PELI2: variants seen among roughly 807,000 people sequenced by gnomAD.
The protein encoded by PELI2 is E3 ubiquitin-protein ligase pellino homolog 2.
A neutral mutation model predicts 42.3 loss-of-function variants in PELI2; 23 were observed. The observed-to-expected ratio is 0.54, with a 90% CI of 0.39 to 0.77. The LOEUF (loss-of-function observed/expected upper bound fraction) is 0.77, where lower values mean the gene tolerates loss of function less well. PELI2 is among the 30% of genes least tolerant of loss of function. PELI2 has a pLI of 0.00. For missense variants in PELI2, 463 were observed against 553.2 expected (o/e 0.84, Z 1.64); for synonymous variants, 245 against 212.2 (o/e 1.15, Z -1.34).
intron 2 of PELI2, among the ~76,000 whole-genome samples, chr14:56,267,011 A>G (rs973671975): frequency 2.0e-5 from 3 of 152,208 alleles, no homozygotes; most frequent in African/African-American, 4.8e-5. Context: ...CTGTGCTGGT[A>G]TAGGCATAGA....
chr14:56,268,067 C>G (rs901314416), intron 2 of PELI2, among the ~76,000 whole-genome samples: 10 of 152,186 alleles, frequency 6.6e-5, no homozygotes, highest in African/African-American at 2.4e-4. Flanking sequence ...CTTGCATTTA[C>G]TACTGACTCA....
rs566564780 is a variant in PELI2 at position 56,191,174 on chromosome 14, C to G, written c.207+12710C>G. ...GTGAGGTCCTGGACAGCAGGACCCA[C>G]TCTTATAGGCAGGTACCCAGAGAAG... On this transcript the variant is annotated intron_variant, in intron 2 of 5. Transcript: ENST00000267460. 5.3e-5 allele frequency among the ~76,000 whole-genome samples: 8 copies of G among 152,278 alleles called. No individual in the cohort carries two copies. In the South Asian group the frequency reaches 1.7e-3, roughly 32 times the overall value.
At chr14:56,148,864 G>C (rs1884232793) in intron 1 of PELI2, among the ~76,000 whole-genome samples, 1 of 152,186 alleles carries the variant, frequency 6.6e-6, no homozygotes, top group Non-Finnish European at 1.5e-5. Flanking sequence ...AGGATTTTCA[G>C]ATGAAGAGGG....
chr14:56,212,403 C>T (rs965491851), intron 2 of PELI2, among the ~76,000 whole-genome samples: 9 of 152,236 alleles, frequency 5.9e-5, no homozygotes, highest in African/African-American at 2.2e-4. Context: ...TTAGCCTCTG[C>T]TCCTTAAGAA....
chr14:56,243,596 G>A (rs1888053341), intron 2 of PELI2, among the ~76,000 whole-genome samples: 1 of 152,148 alleles, frequency 6.6e-6, no homozygotes, highest in Non-Finnish European at 1.5e-5. Flanking sequence ...CACATAGTAA[G>A]CATACTGGGG....
rs751909569 is a variant in PELI2, at chr14:56,290,426, A to C, written c.666A>C (p.Glu222Asp). 7.5e-6 allele frequency: 12 copies of C among 1,607,794 alleles called. No individual in the cohort carries two copies. In the East Asian group the frequency reaches 2.2e-4, roughly 30 times the overall value. The change falls in exon 5 of 6, where the codon GAA (glutamate) becomes GAC (aspartate). Residue 222 changes from glutamate (E) to aspartate (D), a missense_variant. Glu to Asp is a conservative substitution (Grantham distance 45). Coordinates refer to ENST00000267460, the MANE Select transcript of PELI2 (RefSeq NM_021255.3). ...GTGGAGATGTGTACACCTTGCGAGA[A>C]ACCAGGTCGGCCCAGCAACGAGGAA... ...SVCGDVYTLRETRSAQQRGKL... is the reference protein window; with the variant it reads ...SVCGDVYTLRDTRSAQQRGKL...
intron 2 of PELI2, among the ~76,000 whole-genome samples, chr14:56,198,863 T>C (rs1886233569): frequency 6.6e-6 from 1 of 152,200 alleles, no homozygotes; most frequent in Non-Finnish European, 1.5e-5. Flanking sequence ...TTTTATATTT[T>C]GTTAGAAAAT....
chr14:56,275,700 C>T (rs996806430), intron 2 of PELI2, among the ~76,000 whole-genome samples: 28 of 152,176 alleles, frequency 1.8e-4, no homozygotes, highest in African/African-American at 6.5e-4. Context: ...TTCGCTTGCT[C>T]GTCTGCCACT....
chr14:56,191,138 C>T (rs1051921208), intron 2 of PELI2, among the ~76,000 whole-genome samples: 1 of 152,110 alleles, frequency 6.6e-6, no homozygotes, highest in African/African-American at 2.4e-5. Flanking sequence ...AGTCTCTGTT[C>T]CCAGCAGATT....
intron 5 of PELI2, among the ~76,000 whole-genome samples, chr14:56,292,254 A>G (rs1000495011): frequency 8.5e-5 from 13 of 152,224 alleles, no homozygotes; most frequent in Non-Finnish European, 1.5e-5. Context: ...ATTTGATAGC[A>G]TCCGATTAAC....
At chr14:56,158,184 C>T (rs11629343) in intron 1 of PELI2, among the ~76,000 whole-genome samples, 57,141 of 151,726 alleles carry the variant, frequency 0.38, 12,175 homozygotes, top group South Asian at 0.52. Context: ...TGCATCACCA[C>T]GCCTGGCTAA....
chr14:56,161,423 C>T lies in PELI2; in HGVS notation c.78-16912C>T, dbSNP rs984426384. On this transcript the variant is annotated intron_variant, in intron 1 of 5. Transcript: ENST00000267460. ...CCAAGTAGCTGGGACTACAGGTACG[C>T]GCCACCACACCCAGCTAAGTTTTGT... Among the ~76,000 whole-genome samples the T allele has an allele frequency of 7.9e-5, 12 of 151,938 alleles. No homozygotes were observed. In the South Asian group the frequency reaches 1.5e-3, roughly 18 times the overall value.
chr14:56,279,078 A>G (rs938201817), intron 2 of PELI2, among the ~76,000 whole-genome samples: 2 of 152,180 alleles, frequency 1.3e-5, no homozygotes, highest in African/African-American at 4.8e-5. Flanking sequence ...TAAAATTGCT[A>G]GTTACCTTAT....
chr14:56,169,658 T>C (rs1271740385), intron 1 of PELI2, among the ~76,000 whole-genome samples: 1 of 152,218 alleles, frequency 6.6e-6, no homozygotes, highest in Non-Finnish European at 1.5e-5. Flanking sequence ...GTATTATCAG[T>C]GCTTACTTGA....
At chr14:56,264,772 T>C (rs1217124153) in intron 2 of PELI2, among the ~76,000 whole-genome samples, 1 of 152,210 alleles carries the variant, frequency 6.6e-6, no homozygotes, top group Non-Finnish European at 1.5e-5. Context: ...AGAAAACAAT[T>C]ATTTGATCAT....
intron 2 of PELI2, among the ~76,000 whole-genome samples, chr14:56,265,126 TTAA>T (rs1278111690): frequency 6.6e-6 from 1 of 152,104 alleles, no homozygotes; most frequent in Non-Finnish European, 1.5e-5. Context: ...TTAAGAGAAA[TTAA>T]TAAACTGATT....
In PELI2 at chr14:56,297,462, GT is replaced by G. The variant is rs55742644; in HGVS notation, c.*309del. On this transcript the variant is annotated 3_prime_UTR_variant, in exon 6 of 6. Transcript: ENST00000267460. The stretch of plus-strand genomic sequence containing the variant: ...TTTTTAACCTTGGGTTTTTAACCAA[GT>G]TTTTTTTTTTTTGTAATCTTGGACA... 1,947 of 224,454 alleles carry G rather than the reference GT, an allele frequency of 8.7e-3. 4 individuals are homozygous for G. The highest frequency in any genetic ancestry group is 0.017 in the African/African-American group (747 of 43,148). 13.9% of individuals were successfully genotyped at this position (224,454 alleles called of 1,614,324 possible). A position where few individuals can be genotyped will look rare whatever the true frequency, so the allele number is the denominator to read the frequency against.
intron 1 of PELI2, among the ~76,000 whole-genome samples, chr14:56,177,790 G>C (rs540104849): frequency 6.6e-6 from 1 of 152,166 alleles, no homozygotes; most frequent in African/African-American, 2.4e-5. Context: ...ATCTGACAGC[G>C]TAGGGTTCAA....
intron 1 of PELI2, among the ~76,000 whole-genome samples, chr14:56,147,845 A>G (rs1299021267): frequency 6.6e-6 from 1 of 152,224 alleles, no homozygotes; most frequent in Non-Finnish European, 1.5e-5. Flanking sequence ...CTGTTATGTT[A>G]TTACCCATGT....
Sources: allele counts gnomAD v4.1 joint callset (sites outside exome capture counted in the v4.1 genomes callset), GRCh38; gene constraint gnomAD v4.1.1; transcripts MANE v1.5; gene names NCBI Gene and HGNC (gene_info 2026-07-23, HGNC 2026-07-21).